SCFD1: variants seen among roughly 807,000 people sequenced by gnomAD.
SCFD1 encodes sec1 family domain containing 1.
A neutral mutation model predicts 103.2 loss-of-function variants in SCFD1; 37 were observed. That is an observed-to-expected ratio of 0.36 (90% CI 0.28 to 0.47). The LOEUF (loss-of-function observed/expected upper bound fraction) is 0.47, where lower values mean the gene tolerates loss of function less well. Among genes scored for constraint, SCFD1 ranks in the 20% least tolerant of loss-of-function variants. The pLI, the probability that SCFD1 is intolerant of heterozygous loss-of-function variation, is 1.00. For missense variants in SCFD1, 639 were observed against 761.2 expected, an observed-to-expected ratio of 0.84 and a Z score of 1.89; for synonymous variants, 264 against 245.0, an observed-to-expected ratio of 1.08 and a Z score of -0.73.
At chr14:30,622,595 A>G in intron 1 of SCFD1, 196 bp downstream of exon 1, 2 of 925,574 alleles carry the variant, frequency 2.2e-6, no homozygotes, top group Non-Finnish European at 3.0e-6. Context: ...GGTGCAGGAG[A>G]AGGAGCTTCA....
intron 6 of SCFD1, 128 bp downstream of exon 6, chr14:30,639,992 T>C: frequency 9.2e-7 from 1 of 1,082,328 alleles, no homozygotes; most frequent in Non-Finnish European, 1.2e-6. Context: ...ATAGAAGCTT[T>C]TTAAAAGCAC....
chr14:30,709,791 A>G (rs2139371036), intron 19 of SCFD1, among the ~76,000 whole-genome samples: 1 of 152,286 alleles, frequency 6.6e-6, no homozygotes, highest in South Asian at 2.1e-4. Flanking sequence ...ATTTTGTTTC[A>G]TGAGACAAAG....
At chr14:30,638,967 AC>A (rs1349126177) in intron 5 of SCFD1, among the ~76,000 whole-genome samples, 1 of 152,224 alleles carries the variant, frequency 6.6e-6, no homozygotes, top group African/African-American at 2.4e-5. Flanking sequence ...AGTTAAATAG[AC>A]CACTAATATT....
At chr14:30,654,577 G>A (rs1329924707) in intron 10 of SCFD1, among the ~76,000 whole-genome samples, 3 of 152,082 alleles carry the variant, frequency 2.0e-5, no homozygotes, top group Non-Finnish European at 4.4e-5. Flanking sequence ...GGGTGGCTGA[G>A]GCTTGAGAAT....
chr14:30,696,826 A>G (rs537646445), intron 15 of SCFD1, among the ~76,000 whole-genome samples: 2 of 152,338 alleles, frequency 1.3e-5, no homozygotes, highest in East Asian at 3.9e-4. Flanking sequence ...GCATCCATGC[A>G]GCAAGCCCAT....
At chr14:30,665,790 CAAAG>C (rs1440700331) in intron 10 of SCFD1, among the ~76,000 whole-genome samples, 5 of 152,052 alleles carry the variant, frequency 3.3e-5, no homozygotes, top group Admixed American at 1.3e-4. Flanking sequence ...TCAAAAGAGA[CAAAG>C]AAGGCCATTA....
At chr14:30,719,764 C>T (rs1257508288) in intron 21 of SCFD1, among the ~76,000 whole-genome samples, 31 of 151,960 alleles carry the variant, frequency 2.0e-4, no homozygotes. Flanking sequence ...TTTAACTGGT[C>T]CATAAAATTA....
chr14:30,655,291 T>C (rs1159471939), intron 10 of SCFD1, among the ~76,000 whole-genome samples: 1 of 152,030 alleles, frequency 6.6e-6, no homozygotes, highest in Non-Finnish European at 1.5e-5. Flanking sequence ...GAAGGATGAC[T>C]AATATGTTTG....
intron 11 of SCFD1, among the ~76,000 whole-genome samples, chr14:30,671,870 A>G (rs1888573284): frequency 6.6e-6 from 1 of 152,168 alleles, no homozygotes; most frequent in African/African-American, 2.4e-5. Context: ...CAGGTCTTGC[A>G]GACCATAAAG....
chr14:30,681,008 A>T (rs1238610788), intron 14 of SCFD1, among the ~76,000 whole-genome samples: 3 of 152,158 alleles, frequency 2.0e-5, no homozygotes, highest in African/African-American at 7.2e-5. Flanking sequence ...CAAGGCAGGC[A>T]GATCACTTCA....
chr14:30,623,386 G>A (rs1028630579), intron 1 of SCFD1, among the ~76,000 whole-genome samples: 2 of 152,178 alleles, frequency 1.3e-5, no homozygotes, highest in Admixed American at 6.5e-5. Flanking sequence ...TAAAGAAAAA[G>A]TGATAGACTT....
At position 30,702,419 on chromosome 14, in the gene SCFD1, A is replaced by G. The variant is rs756217060; in HGVS notation, c.1490+44A>G. On this transcript the variant is annotated intron_variant, in intron 17 of 24. Coordinates refer to ENST00000458591, the MANE Select transcript of SCFD1 (RefSeq NM_016106.4). ...TTTAATTCCTGTCATTTAAAAGAGT[A>G]CAATTGAGGCTTCATTCCCAAGAAA... 3 of 1,214,038 alleles carry G rather than the reference A, an allele frequency of 2.5e-6. No individual in the cohort carries two copies. The South Asian group carries it at 4.4e-5, about 18-fold the overall frequency. 75.2% of individuals were successfully genotyped at this position (1,214,038 alleles called of 1,614,324 possible). A position where few individuals can be genotyped will look rare whatever the true frequency, so the allele number is the denominator to read the frequency against.
At chr14:30,654,265 A>T (rs1460307692) in intron 10 of SCFD1, among the ~76,000 whole-genome samples, 2 of 152,230 alleles carry the variant, frequency 1.3e-5, no homozygotes, top group Admixed American at 1.3e-4. Context: ...TTGAACTCAA[A>T]TCATGGGCTT....
chr14:30,735,099 C>T, intron 24 of SCFD1: 1 of 404,666 alleles, frequency 2.5e-6, no homozygotes, highest in Non-Finnish European at 4.4e-6. Context: ...TTTTAATGAT[C>T]CTTTAGAAAT....
chr14:30,681,568 A>C (rs1889484473), intron 14 of SCFD1, among the ~76,000 whole-genome samples: 1 of 132,562 alleles, frequency 7.5e-6, no homozygotes, highest in Non-Finnish European at 1.8e-5. Context: ...GAATGAAAAC[A>C]ATCTGATAAA....
intron 10 of SCFD1, among the ~76,000 whole-genome samples, chr14:30,661,893 GA>G: frequency 6.6e-6 from 1 of 152,168 alleles, no homozygotes; most frequent in African/African-American, 2.4e-5. Flanking sequence ...TATAGGTATT[GA>G]AACCCTGATA....
intron 23 of SCFD1, 31 bp downstream of exon 23, chr14:30,722,590 G>A (rs1465073703): frequency 2.1e-6 from 3 of 1,419,126 alleles, no homozygotes; most frequent in African/African-American, 1.4e-5. Flanking sequence ...TTATTCTGTT[G>A]TTAGATGGTT....
At chr14:30,634,249 G>C (rs1884478570) in intron 4 of SCFD1, among the ~76,000 whole-genome samples, 1 of 152,036 alleles carries the variant, frequency 6.6e-6, no homozygotes, top group African/African-American at 2.4e-5. Flanking sequence ...CATGTCCACA[G>C]TTTCACTTTC....
At chr14:30,729,577 T>C (rs561961454) in intron 23 of SCFD1, among the ~76,000 whole-genome samples, 1 of 152,336 alleles carries the variant, frequency 6.6e-6, no homozygotes, top group East Asian at 1.9e-4. Flanking sequence ...AGTATTACAC[T>C]GTGTTGATCA....
Sources: gnomAD v4.1 joint callset for allele counts (sites outside exome capture counted in the v4.1 genomes callset) on GRCh38, gnomAD v4.1.1 for gene constraint, MANE v1.5 for transcripts, NCBI Gene and HGNC (gene_info 2026-07-23, HGNC 2026-07-21) for gene names.